The following ZNF277 variants were observed in gnomAD, a reference collection of about 807,000 sequenced individuals.
ZNF277 encodes the protein nuclear receptor-interacting factor 4.
Under a neutral mutation model 60.7 loss-of-function variants are expected in ZNF277, and 55 were observed. That is an observed-to-expected ratio of 0.91 (90% confidence interval 0.73 to 1.13). The LOEUF (loss-of-function observed/expected upper bound fraction) is 1.13, where lower values mean the gene tolerates loss of function less well. ZNF277 is among the 50% of genes most tolerant of loss of function. The probability of loss-of-function intolerance (pLI) is 0.00; values close to 1 mark genes in which losing one functional copy is unlikely to be tolerated. For synonymous variants in ZNF277, 178 were observed against 179.3 expected (o/e 0.99, Z 0.06); for missense variants, 510 against 523.0 (o/e 0.98, Z 0.24).
chr7:112,246,676 A>G (rs1174224428), intron 1 of ZNF277, among the ~76,000 whole-genome samples: 3 of 152,184 alleles, frequency 2.0e-5, no homozygotes, highest in Middle Eastern at 3.2e-3. Flanking sequence ...ATCAGTTTGT[A>G]TGGAAGACAT....
At chr7:112,238,318 A>G (rs1318063039) in intron 1 of ZNF277, among the ~76,000 whole-genome samples, 2 of 152,214 alleles carry the variant, frequency 1.3e-5, no homozygotes, top group African/African-American at 4.8e-5. Context: ...AAAGCAACAC[A>G]GGGCAGAATT....
chr7:112,288,025 A>G (rs1792113319), intron 2 of ZNF277: 1 of 152,222 alleles, frequency 6.6e-6, no homozygotes, highest in Non-Finnish European at 1.5e-5. Context: ...GTTTTAGGCC[A>G]TAGACATTCT....
chr7:112,322,893 G>C (rs1429938902), intron 5 of ZNF277, among the ~76,000 whole-genome samples: 1 of 152,116 alleles, frequency 6.6e-6, no homozygotes, highest in African/African-American at 2.4e-5. Context: ...GTTACTTTTT[G>C]TGTGTTTAGT....
rs137979010 is a variant in ZNF277 at position 112,304,139 on chromosome 7, T to C, written c.465+7828T>C. 1.5e-3 allele frequency among the ~76,000 whole-genome samples: 236 copies of C among 152,302 alleles called. 1 individual carries two copies. The highest frequency in any genetic ancestry group is 6.8e-3 in the Middle Eastern group (2 of 294). Reference sequence around the variant, plus strand: ...ATGTCACAAGGTTAACTTTCTATCATCTCTCATAAAATGCTGAGAAAGGTG... The same window carrying C: ...ATGTCACAAGGTTAACTTTCTATCACCTCTCATAAAATGCTGAGAAAGGTG... On this transcript the variant is annotated intron_variant, in intron 4 of 11. Coordinates refer to ENST00000361822, the MANE Select transcript of ZNF277 (RefSeq NM_021994.3).
intron 4 of ZNF277, among the ~76,000 whole-genome samples, chr7:112,308,869 C>T (rs1218095572): frequency 6.6e-6 from 1 of 151,996 alleles, no homozygotes; most frequent in East Asian, 1.9e-4. Flanking sequence ...GACACCTGTG[C>T]ATTTTTCTGC....
intron 1 of ZNF277, among the ~76,000 whole-genome samples, chr7:112,227,286 A>G (rs559952876): frequency 6.6e-6 from 1 of 152,282 alleles, no homozygotes; most frequent in South Asian, 2.1e-4. Flanking sequence ...TGTTTTTTAA[A>G]GTTATGTAAA....
intron 1 of ZNF277, among the ~76,000 whole-genome samples, chr7:112,225,628 C>T (rs916907846): frequency 6.6e-6 from 1 of 152,090 alleles, no homozygotes; most frequent in Non-Finnish European, 1.5e-5. Context: ...CAGAGTACAT[C>T]CAACCATGCA....
intron 5 of ZNF277, among the ~76,000 whole-genome samples, chr7:112,325,911 C>T (rs978769860): frequency 2.6e-5 from 4 of 152,192 alleles, no homozygotes; most frequent in African/African-American, 2.4e-5. Context: ...TGAACCAATC[C>T]TCTTAGGTCC....
chr7:112,296,904 ATTTATTTATTTTTTTTTTTTTTTTT>A (rs1792355300), intron 4 of ZNF277, among the ~76,000 whole-genome samples: 5 of 32,862 alleles, frequency 1.5e-4, no homozygotes, highest in Admixed American at 9.4e-4. Flanking sequence ...TTATTTATTT[ATTTATTTATTTTTTTTTTTTTTTTT>A]TTTTTTTTTT....
intron 4 of ZNF277, among the ~76,000 whole-genome samples, chr7:112,310,910 G>A (rs538031386): frequency 5.9e-5 from 9 of 152,024 alleles, no homozygotes; most frequent in Non-Finnish European, 1.0e-4. Context: ...AAACTCTATT[G>A]TAAATCTATT....
At chr7:112,281,904 C>T (rs1791952961) in intron 1 of ZNF277, among the ~76,000 whole-genome samples, 1 of 152,142 alleles carries the variant, frequency 6.6e-6, no homozygotes, top group Non-Finnish European at 1.5e-5. Context: ...ATGATGTTGG[C>T]TCACTGCAAC....
At position 112,296,311 on chromosome 7, in the gene ZNF277, G is replaced by T. The variant is rs765891356; in HGVS notation, c.465G>T (p.Leu155=). The change falls in exon 4 of 12, where the codon CTG becomes CTT. Residue 155 remains leucine, a splice_region_variant and synonymous_variant. Transcript: ENST00000361822. ...ILREELQKQR[L]REILEQQQQE... ...GAGAAGAGCTTCAGAAACAGAGACTGGTAAGAATTGTTTTTAAAGGGTGAA... is the reference window on the plus strand; with the variant it reads ...GAGAAGAGCTTCAGAAACAGAGACTTGTAAGAATTGTTTTTAAAGGGTGAA... 19 of 1,542,324 alleles carry T rather than the reference G, an allele frequency of 1.2e-5. No homozygotes were observed. Among genetic ancestry groups the T allele is most frequent in the Non-Finnish European group, 1.7e-5 (19 of 1,132,826 alleles).
intron 5 of ZNF277, among the ~76,000 whole-genome samples, chr7:112,323,126 C>T (rs80180950): frequency 0.025 from 3,863 of 152,294 alleles, 155 homozygotes; most frequent in African/African-American, 0.087. Context: ...CCACTTCTTG[C>T]TTGTGTAGAG....
chr7:112,279,587 C>T (rs1176045849), intron 1 of ZNF277, among the ~76,000 whole-genome samples: 1 of 152,080 alleles, frequency 6.6e-6, no homozygotes, highest in Non-Finnish European at 1.5e-5. Flanking sequence ...TAATATACAG[C>T]TGACCCTTGA....
chr7:112,282,412 A>G (rs1791967008), intron 1 of ZNF277, among the ~76,000 whole-genome samples: 1 of 152,226 alleles, frequency 6.6e-6, no homozygotes, highest in Non-Finnish European at 1.5e-5. Flanking sequence ...TTTAAAATAT[A>G]ATTTATTATC....
At chr7:112,249,341 A>G (rs1385600161) in intron 1 of ZNF277, among the ~76,000 whole-genome samples, 1 of 152,166 alleles carries the variant, frequency 6.6e-6, no homozygotes, top group Middle Eastern at 3.2e-3. Flanking sequence ...TGGCTTTAAT[A>G]CTCAAAATTA....
In ZNF277 at chr7:112,330,222, G is replaced by A. The variant is rs1244649804; in HGVS notation, c.801+6G>A. 2 of 1,611,366 alleles carry A rather than the reference G, an allele frequency of 1.2e-6. No homozygotes were observed. Among genetic ancestry groups the A allele is most frequent in the African/African-American group, 1.3e-5 (1 of 74,872 alleles). On this transcript the variant is annotated splice_donor_region_variant and intron_variant, in intron 7 of 11. Coordinates refer to ENST00000361822, the MANE Select transcript of ZNF277 (RefSeq NM_021994.3). The stretch of plus-strand genomic sequence containing the variant: ...TTTATGTCATCAATTATTTGGTAAG[G>A]CTTTCTTTTCATAACTTAAAATTTG...
intron 1 of ZNF277, among the ~76,000 whole-genome samples, chr7:112,238,204 C>CA (rs138519166): frequency 0.015 from 2,243 of 152,308 alleles, 64 homozygotes; most frequent in African/African-American, 0.051. Context: ...TGTCTCTCCC[C>CA]ATCTCTCAGC....
chr7:112,324,896 C>A (rs537550109), intron 5 of ZNF277, among the ~76,000 whole-genome samples: 20 of 152,232 alleles, frequency 1.3e-4, no homozygotes, highest in Non-Finnish European at 2.4e-4. Flanking sequence ...GAACCATGAA[C>A]TTGAATACCT....
Sources: allele counts gnomAD v4.1 joint callset (sites outside exome capture counted in the v4.1 genomes callset), GRCh38; gene constraint gnomAD v4.1.1; transcripts MANE v1.5; gene names NCBI Gene and HGNC (gene_info 2026-07-23, HGNC 2026-07-21).